Variants in NFATC3 observed in about 807,000 individuals in gnomAD.
NFATC3 encodes nuclear factor of activated T-cells, cytoplasmic 3.
In NFATC3, 46 loss-of-function variants were observed where a neutral mutation model predicts 98.6. The observed-to-expected ratio is 0.47, with a 90% CI of 0.37 to 0.60. The LOEUF (loss-of-function observed/expected upper bound fraction) is 0.60, where lower values mean the gene tolerates loss of function less well. NFATC3 is among the 20% of genes least tolerant of loss of function. The pLI is 0.00. For missense variants in NFATC3, 1,256 were observed against 1,295.5 expected (o/e 0.97, Z 0.47); for synonymous variants, 512 against 472.2 (o/e 1.08, Z -1.09).
At chr16:68,218,063 TTTTTG>T (rs2041704342) in intron 9 of NFATC3, 2 of 1,034,944 alleles carry the variant, frequency 1.9e-6, no homozygotes, top group East Asian at 7.4e-5. Context: ...TTTTCCCTTT[TTTTTG>T]TTTTATTTGG....
intron 1 of NFATC3, among the ~76,000 whole-genome samples, chr16:68,090,309 A>G (rs192496358): frequency 1.2e-5 from 1 of 86,166 alleles, no homozygotes; most frequent in African/African-American, 5.0e-5. Flanking sequence ...CCCCCCCCCA[A>G]CATTTCTTTA....
intron 5 of NFATC3, among the ~76,000 whole-genome samples, chr16:68,167,882 G>T (rs181933137): frequency 8.8e-6 from 1 of 113,068 alleles, no homozygotes; most frequent in East Asian, 3.0e-4. Flanking sequence ...GCCCAGGTTG[G>T]AGTGCAGTGT....
At chr16:68,089,034 A>G (rs569007529) in intron 1 of NFATC3, 2 of 985,454 alleles carry the variant, frequency 2.0e-6, no homozygotes, top group Non-Finnish European at 2.4e-6. Flanking sequence ...CTTTCGTGGT[A>G]GAGGAAATTG....
At chr16:68,101,478 G>GT (rs534378964) in intron 1 of NFATC3, among the ~76,000 whole-genome samples, 1,767 of 138,788 alleles carry the variant, frequency 0.013, 18 homozygotes, top group African/African-American at 0.02. Flanking sequence ...ATAGTTTTAG[G>GT]TTTTTTTTTT....
chr16:68,187,441 A>G (rs1253854173), intron 8 of NFATC3, among the ~76,000 whole-genome samples: 1 of 152,190 alleles, frequency 6.6e-6, no homozygotes, highest in Non-Finnish European at 1.5e-5. Flanking sequence ...TCCTGTGCCC[A>G]GGAAGAATGA....
rs397855678 is a variant in NFATC3, at chr16:68,087,533, AT to A, written c.103+1757del. Among the ~76,000 whole-genome samples the A allele has an allele frequency of 5.1e-3, 779 of 152,224 alleles. 9 individuals are homozygous for A. Among genetic ancestry groups the A allele is most frequent in the African/African-American group, 0.017 (707 of 41,532 alleles). On this transcript the variant is annotated intron_variant, in intron 1 of 9. Coordinates refer to ENST00000346183, the MANE Select transcript of NFATC3 (RefSeq NM_173165.3). ...CACTTTAAAATATTTTAAGCAGGTA[AT>A]TTTTTTTAAAGTTTTTTTAATATTA...
rs1451951342 is a variant in NFATC3 at position 68,122,836 on chromosome 16, G to A, written c.953G>A (p.Gly318Glu). 5 of 1,614,206 alleles carry A rather than the reference G, an allele frequency of 3.1e-6. No individual in the cohort carries two copies. The highest frequency in any genetic ancestry group is 1.7e-6 in the Non-Finnish European group (2 of 1,180,040). The part of the protein sequence containing the change: ...DTWLNASVHG[G>E]SGLGPAVFPF... ...TGGCTCAATGCTTCTGTCCATGGTG[G>A]GTCAGGCCTTGGCCCTGCAGTTTTT... is the stretch of plus-strand genomic sequence containing the variant. The change falls in exon 2 of 10, where the codon GGG becomes GAG. Residue 318 changes from glycine to glutamate, a missense_variant. Coordinates refer to ENST00000346183, the MANE Select transcript of NFATC3 (RefSeq NM_173165.3).
rs997480617 is a variant in NFATC3, at chr16:68,166,761, A to G, written c.1602-82A>G. The stretch of plus-strand genomic sequence containing the variant: ...AATTTTGGGTAGTTTTTTTCTGACA[A>G]ATTAACAATTTCTATGTAGTTGAGT... On this transcript the variant is annotated intron_variant, in intron 4 of 9. Coordinates refer to ENST00000346183, the MANE Select transcript of NFATC3 (RefSeq NM_173165.3). 7 of 1,143,332 alleles carry G rather than the reference A, an allele frequency of 6.1e-6. No homozygotes were observed. In the African/African-American group the frequency reaches 7.8e-5, roughly 13 times the overall value. The allele number at this position is 1,143,332 out of a possible 1,614,324, so 70.8% of individuals were successfully genotyped here.
At position 68,191,023 on chromosome 16, in the gene NFATC3, T is replaced by C. The variant is rs753889819; in HGVS notation, c.2354T>C (p.Ile785Thr). The change falls in exon 9 of 10, where the codon ATT becomes ACT. Residue 785 changes from isoleucine to threonine, a missense_variant. Physicochemically the swap from Ile to Thr is moderately conservative, Grantham distance 89. Around this residue, in one of 3 missense-constraint regions of NFATC3, gnomAD observed 636 missense variants for 617.3 expected, o/e 1.03. Transcript: ENST00000346183. ...GAACAGCATATGATTCCTTCTCCAATTGTACACCAGCCTTTTCAAGTCACA... is the reference window on the plus strand; with the variant it reads ...GAACAGCATATGATTCCTTCTCCAACTGTACACCAGCCTTTTCAAGTCACA... Reference protein sequence around the residue: ...SKEQHMIPSPIVHQPFQVTPT... With the variant: ...SKEQHMIPSPTVHQPFQVTPT... 1 of 1,614,226 alleles carries C rather than the reference T, an allele frequency of 6.2e-7. No individual in the cohort carries two copies. The highest frequency in any genetic ancestry group is 8.5e-7 in the Non-Finnish European group (1 of 1,180,044).
At chr16:68,155,554 G>A (rs762026719) in intron 3 of NFATC3, among the ~76,000 whole-genome samples, 1 of 152,138 alleles carries the variant, frequency 6.6e-6, no homozygotes. Context: ...TTCAAGGACC[G>A]GAGACTTGGT....
intron 9 of NFATC3, among the ~76,000 whole-genome samples, chr16:68,221,866 C>T (rs2041876302): frequency 6.6e-6 from 1 of 152,148 alleles, no homozygotes; most frequent in Non-Finnish European, 1.5e-5. Flanking sequence ...ATAATCAATA[C>T]CACATATCTA....
At chr16:68,126,647 A>T in intron 3 of NFATC3, 37 bp downstream of exon 3, 1 of 1,605,204 alleles carries the variant, frequency 6.2e-7, no homozygotes, top group Non-Finnish European at 8.5e-7. Flanking sequence ...CAGATACCAT[A>T]CACCTAGTGA....
intron 3 of NFATC3, among the ~76,000 whole-genome samples, chr16:68,151,930 G>A (rs111636926): frequency 0.013 from 1,993 of 151,866 alleles, 44 homozygotes; most frequent in African/African-American, 0.045. Flanking sequence ...TTAGCTGGGC[G>A]TGGTGGCAGG....
chr16:68,136,523 C>T (rs2037420362), intron 3 of NFATC3, among the ~76,000 whole-genome samples: 1 of 152,168 alleles, frequency 6.6e-6, no homozygotes, highest in African/African-American at 2.4e-5. Context: ...CCTGCCTTGG[C>T]TTCTCAAAGT....
In NFATC3 at chr16:68,190,962, C is replaced by A. The variant is rs1271873065; in HGVS notation, c.2293C>A (p.Pro765Thr). 1 of 1,614,180 alleles carries A rather than the reference C, an allele frequency of 6.2e-7. No homozygotes were observed. The highest frequency in any genetic ancestry group is 8.5e-7 in the Non-Finnish European group (1 of 1,180,034). The change falls in exon 9 of 10, where the codon CCA (proline) becomes ACA (threonine). Residue 765 changes from proline to threonine, a missense_variant. Physicochemically the swap from Pro to Thr is conservative, Grantham distance 38. This residue lies in a region of NFATC3 where 636 missense variants were observed against 617.3 expected (regional missense o/e 1.03). Transcript: ENST00000346183. ...YASMVTSSHL[P>T]QLQCRDESVS... ...ATCCATGGTGACCTCATCCCATCTG[C>A]CACAGTTGCAGTGTAGAGATGAGAG... is the stretch of plus-strand genomic sequence containing the variant.
chr16:68,228,348 C>T lies in NFATC3; in HGVS notation c.*1877C>T, dbSNP rs1333291916. 1 of 152,156 alleles carries T rather than the reference C, an allele frequency of 6.6e-6. No individual in the cohort carries two copies. Among genetic ancestry groups the T allele is most frequent in the Non-Finnish European group, 1.5e-5 (1 of 68,028 alleles). 9.4% of individuals were successfully genotyped at this position (152,156 alleles called of 1,614,324 possible). A position where few individuals can be genotyped will look rare whatever the true frequency, so the allele number is the denominator to read the frequency against. On this transcript the variant is annotated 3_prime_UTR_variant, in exon 10 of 10. Transcript: ENST00000346183. ...CTTTGGAGGGGCAAGAAGTTGGCCTCTCGGTTGACATTCCAGAGAAATGGC... is the reference window on the plus strand; with the variant it reads ...CTTTGGAGGGGCAAGAAGTTGGCCTTTCGGTTGACATTCCAGAGAAATGGC...
chr16:68,194,322 A>G (rs1037105225), intron 9 of NFATC3, among the ~76,000 whole-genome samples: 12 of 152,100 alleles, frequency 7.9e-5, no homozygotes, highest in Non-Finnish European at 1.8e-4. Context: ...CATGTGCACA[A>G]TTTCACTGCG....
At chr16:68,226,321 T>G in intron 9 of NFATC3, 29 bp from the exon 10 acceptor site, 1 of 1,555,826 alleles carries the variant, frequency 6.4e-7, no homozygotes, top group Non-Finnish European at 8.6e-7. Flanking sequence ...CAGAGGTCAC[T>G]AATCACTCTC....
At chr16:68,200,555 G>A (rs1211651121) in intron 9 of NFATC3, 1 of 152,048 alleles carries the variant, frequency 6.6e-6, no homozygotes, top group African/African-American at 2.4e-5. Flanking sequence ...GCTTCCTGGG[G>A]CAAGGCAGAT....
Sources: allele counts gnomAD v4.1 joint callset (sites outside exome capture counted in the v4.1 genomes callset), GRCh38; gene constraint gnomAD v4.1.1; regional missense constraint gnomAD v4.1.1; transcripts MANE v1.5; gene names NCBI Gene and HGNC (gene_info 2026-07-23, HGNC 2026-07-21).